ZBED4: variants seen among roughly 807,000 people sequenced by gnomAD.
The protein encoded by ZBED4 is zinc finger BED-type containing 4, also known as zinc finger BED domain-containing protein 4.
In ZBED4, 4 loss-of-function variants were observed where a neutral mutation model predicts 15.5. The observed-to-expected ratio is 0.26, with a 90% confidence interval of 0.13 to 0.59. The LOEUF is 0.59. Ranked by LOEUF, ZBED4 falls within the 20% of genes least tolerant of loss-of-function variation. The pLI, the probability that ZBED4 is intolerant of heterozygous loss-of-function variation, is 0.90. For synonymous variants in ZBED4, 692 were observed against 608.5 expected (o/e 1.14, Z -2.02); for missense variants, 1,323 against 1,461.8 (o/e 0.91, Z 1.55).
At chr22:49,860,629 T>C (rs909607953) in intron 1 of ZBED4, among the ~76,000 whole-genome samples, 1 of 152,194 alleles carries the variant, frequency 6.6e-6, no homozygotes, top group East Asian at 1.9e-4. Flanking sequence ...AAGACAAATA[T>C]TATTTTCTCT....
In ZBED4 at chr22:49,884,070, C is replaced by T; in HGVS notation, c.408C>T (p.Cys136=). Residue 136 remains cysteine, a synonymous_variant, in exon 2 of 2, where the codon TGC becomes TGT. Coordinates refer to ENST00000216268, the MANE Select transcript of ZBED4 (RefSeq NM_014838.3). ...CCCGAGACAGCACTAAAGCAATATG[C>T]ATGTACTGTGTGAAGGAGTTCAGCA... The part of the protein sequence containing the change: ...ISPRDSTKAI[C]MYCVKEFSRG... 1 of 1,609,514 alleles carries T rather than the reference C, an allele frequency of 6.2e-7. No homozygotes were observed. Among genetic ancestry groups the T allele is most frequent in the Non-Finnish European group, 8.5e-7 (1 of 1,178,288 alleles).
In ZBED4 at chr22:49,855,090, G is replaced by GT. The variant is rs570701918; in HGVS notation, c.-330+1104dup. On this transcript the variant is annotated intron_variant, in intron 1 of 1. Transcript: ENST00000216268. Reference sequence around the variant, plus strand: ...CTTTGCAAGAGGAAAGTTTACAGGAGTTTGATTCCATACTCCGAGGGTTTC... The same window carrying GT: ...CTTTGCAAGAGGAAAGTTTACAGGAGTTTTGATTCCATACTCCGAGGGTTTC... Among the ~76,000 whole-genome samples the GT allele has an allele frequency of 3.3e-5, 5 of 152,246 alleles. No homozygotes were observed. The South Asian group carries it at 1.0e-3, about 32-fold the overall frequency.
At chr22:49,877,103 G>A (rs1007190987) in intron 1 of ZBED4, among the ~76,000 whole-genome samples, 1 of 152,052 alleles carries the variant, frequency 6.6e-6, no homozygotes, top group East Asian at 1.9e-4. Flanking sequence ...GTAAATGAAC[G>A]CTGGCAGTGA....
rs143382071 is a variant in ZBED4, at chr22:49,876,320, G to T, written c.-329-7014G>T. On this transcript the variant is annotated intron_variant, in intron 1 of 1. Coordinates refer to ENST00000216268, the MANE Select transcript of ZBED4 (RefSeq NM_014838.3). The stretch of plus-strand genomic sequence containing the variant: ...GATAATAGTGTTGTTTGAATCTTCC[G>T]TGTCTTTACTGATTTTTATGTACCT... Among the ~76,000 whole-genome samples the T allele has an allele frequency of 2.0e-5, 3 of 152,194 alleles. No individual in the cohort carries two copies. In the East Asian group the frequency reaches 5.8e-4, roughly 29 times the overall value.
chr22:49,878,546 A>G (rs1007905123), intron 1 of ZBED4, among the ~76,000 whole-genome samples: 1 of 152,190 alleles, frequency 6.6e-6, no homozygotes, highest in African/African-American at 2.4e-5. Flanking sequence ...ACAGTTAGAC[A>G]TCCATGTGCA....
chr22:49,863,472 C>G (rs907816752), intron 1 of ZBED4, among the ~76,000 whole-genome samples: 1 of 152,012 alleles, frequency 6.6e-6, no homozygotes, highest in Non-Finnish European at 1.5e-5. Flanking sequence ...ACTAAAAATA[C>G]AAAAATTAGC....
chr22:49,886,380 A>G lies in ZBED4; in HGVS notation c.2718A>G (p.Lys906=), dbSNP rs766859299. The change falls in exon 2 of 2, where the codon AAA becomes AAG. Residue 906 remains lysine (K), a synonymous_variant. Coordinates refer to ENST00000216268, the MANE Select transcript of ZBED4 (RefSeq NM_014838.3). This position sits in a 1 kb window ranked among gnomAD's most constrained non-coding sequence, Gnocchi z 7.7. ...TGCTCGAGCGGCTCATTGAGCAGAAAAGGGCCATTAACGAGATGTCCGTCG... is the reference window on the plus strand; with the variant it reads ...TGCTCGAGCGGCTCATTGAGCAGAAGAGGGCCATTAACGAGATGTCCGTCG... ...FHMLERLIEQ[K]RAINEMSVEC... 6.2e-7 allele frequency: 1 copy of G among 1,610,400 alleles called. No homozygotes were observed.
rs1462376920 is a variant in ZBED4, at chr22:49,887,994, T to C, written c.*816T>C. The stretch of plus-strand genomic sequence containing the variant: ...CGCCTCCGCTTCAGCATCTCCACGC[T>C]CTGAAGCTGTCTTTCAAAATGTGTG... On this transcript the variant is annotated 3_prime_UTR_variant, in exon 2 of 2. Transcript: ENST00000216268. 6.0e-6 allele frequency: 1 copy of C among 167,284 alleles called. No individual in the cohort carries two copies. The highest frequency in any genetic ancestry group is 2.4e-5 in the African/African-American group (1 of 41,476). The allele number at this position is 167,284 out of a possible 1,614,324, so 10.4% of individuals were successfully genotyped here. A position where few individuals can be genotyped will look rare whatever the true frequency, so the allele number is the denominator to read the frequency against.
At chr22:49,867,381 G>A (rs372483888) in intron 1 of ZBED4, among the ~76,000 whole-genome samples, 4 of 152,274 alleles carry the variant, frequency 2.6e-5, no homozygotes, top group South Asian at 2.1e-4. Context: ...TGGGAGCGGC[G>A]GTTGGGGAGG....
At position 49,886,122 on chromosome 22, in the gene ZBED4, G is replaced by A. The variant is rs780574245; in HGVS notation, c.2460G>A (p.Gly820=). 1.5e-6 allele frequency: 1 copy of A among 681,940 alleles called. No homozygotes were observed. Among genetic ancestry groups the A allele is most frequent in the Non-Finnish European group, 2.7e-6 (1 of 371,422 alleles). 42.2% of individuals were successfully genotyped at this position (681,940 alleles called of 1,614,324 possible). The change falls in exon 2 of 2, where the codon GGG becomes GGA. Residue 820 remains glycine (G), a synonymous_variant. Transcript: ENST00000216268. The surrounding 1 kb of genome is among the most constrained non-coding windows in gnomAD (Gnocchi z 7.7). ...GCATCGGGAAGACGCTGAACGAGGG[G>A]GAGCACTCGAGCGTGCAGTGCTTCA... is the stretch of plus-strand genomic sequence containing the variant. ...NASIGKTLNE[G]EHSSVQCFSH...
At chr22:49,868,271 G>A (rs1254862502) in intron 1 of ZBED4, among the ~76,000 whole-genome samples, 4 of 152,186 alleles carry the variant, frequency 2.6e-5, no homozygotes, top group African/African-American at 4.8e-5. Flanking sequence ...AATATAGGCA[G>A]TGTTACAAGC....
chr22:49,871,510 G>GTA (rs2060347385), intron 1 of ZBED4, among the ~76,000 whole-genome samples: 1 of 151,960 alleles, frequency 6.6e-6, no homozygotes, highest in African/African-American at 2.4e-5. Context: ...TACATTTTCA[G>GTA]TATAATGTAG....
At position 49,884,997 on chromosome 22, in the gene ZBED4, C is replaced by T. The variant is rs141708563; in HGVS notation, c.1335C>T (p.Ala445=). ...GLSPRLFESG[A]IFQQNKKVMK... The stretch of plus-strand genomic sequence containing the variant: ...GTCCTAGATTGTTTGAATCTGGCGC[C>T]ATCTTCCAGCAGAATAAAAAGGTCA... The change falls in exon 2 of 2, where the codon GCC becomes GCT. Residue 445 remains alanine, a synonymous_variant. Transcript: ENST00000216268. The T allele has an allele frequency of 1.2e-4, 199 of 1,613,226 alleles. No homozygotes were observed. Among genetic ancestry groups the T allele is most frequent in the Non-Finnish European group, 1.6e-4 (190 of 1,179,592 alleles).
intron 1 of ZBED4, among the ~76,000 whole-genome samples, chr22:49,875,277 C>A (rs189326589): frequency 6.6e-6 from 1 of 150,400 alleles, no homozygotes; most frequent in East Asian, 1.9e-4. Flanking sequence ...GTCATCTGGG[C>A]CTGGGAGTTT....
At position 49,884,395 on chromosome 22, in the gene ZBED4, T is replaced by C. The variant is rs1266184245; in HGVS notation, c.733T>C (p.Cys245Arg). 4.3e-6 allele frequency: 7 copies of C among 1,613,118 alleles called. No homozygotes were observed. The highest frequency in any genetic ancestry group is 5.9e-6 in the Non-Finnish European group (7 of 1,179,470). ...ISSDMSVSEK[C>R]GREEALVGSS... Reference sequence around the variant, plus strand: ...CTCTGACATGTCCGTTTCGGAGAAGTGCGGCAGAGAAGAAGCCCTGGTGGG... The same window carrying C: ...CTCTGACATGTCCGTTTCGGAGAAGCGCGGCAGAGAAGAAGCCCTGGTGGG... Residue 245 changes from cysteine (C) to arginine (R), a missense_variant, in exon 2 of 2, where the codon TGC (cysteine) becomes CGC (arginine). By Grantham distance (180) the Cys-to-Arg change is radical. This residue lies in a region of ZBED4 where 380 missense variants were observed against 413.7 expected (regional missense o/e 0.92). Transcript: ENST00000216268.
Position 49,885,892 on chromosome 22 carries a change from C to A in ZBED4, c.2230C>A (p.Leu744Met). 1 of 1,128,144 alleles carries A rather than the reference C, an allele frequency of 8.9e-7. No individual in the cohort carries two copies. Among genetic ancestry groups the A allele is most frequent in the Non-Finnish European group, 1.3e-6 (1 of 747,984 alleles). The allele number at this position is 1,128,144 out of a possible 1,614,324, so 69.9% of individuals were successfully genotyped here. The change falls in exon 2 of 2, where the codon CTG becomes ATG. Residue 744 changes from leucine (L) to methionine (M), a missense_variant. Physicochemically the swap from Leu to Met is conservative, Grantham distance 15. Transcript: ENST00000216268. Reference protein sequence around the residue: ...IWMSNQTREYLTLTAHWVSFE... With the variant: ...IWMSNQTREYMTLTAHWVSFE... ...GATGAGTAACCAGACCCGTGAGTAC[C>A]TGACCCTCACGGCCCACTGGGTTTC... is the stretch of plus-strand genomic sequence containing the variant.
At chr22:49,857,038 T>A (rs1341951265) in intron 1 of ZBED4, among the ~76,000 whole-genome samples, 1 of 152,204 alleles carries the variant, frequency 6.6e-6, no homozygotes, top group Non-Finnish European at 1.5e-5. Flanking sequence ...CGGGAGGACC[T>A]GGCCCCCCGC....
At chr22:49,876,354 C>T (rs1421836830) in intron 1 of ZBED4, among the ~76,000 whole-genome samples, 1 of 152,090 alleles carries the variant, frequency 6.6e-6, no homozygotes, top group African/African-American at 2.4e-5. Context: ...CTGTTGGTTA[C>T]TTATTGAATA....
At chr22:49,857,534 G>C (rs1017437695) in intron 1 of ZBED4, among the ~76,000 whole-genome samples, 9 of 152,284 alleles carry the variant, frequency 5.9e-5, no homozygotes, top group South Asian at 4.1e-4. Flanking sequence ...CTCTGACTCC[G>C]GGTTTCTGGA....
Sources: allele counts gnomAD v4.1 joint callset (sites outside exome capture counted in the v4.1 genomes callset), GRCh38; gene constraint gnomAD v4.1.1; regional missense constraint gnomAD v4.1.1; non-coding constraint Gnocchi (gnomAD v3.1); transcripts MANE v1.5; gene names NCBI Gene and HGNC (gene_info 2026-07-23, HGNC 2026-07-21).